Variants in PCDHGB1 observed in about 807,000 individuals in gnomAD.
The protein encoded by PCDHGB1 is protocadherin gamma subfamily B, 1, also known as protocadherin gamma-B1.
In PCDHGB1, 34 loss-of-function variants were observed where a neutral mutation model predicts 56.6. The observed-to-expected ratio is 0.60, with a 90% confidence interval of 0.46 to 0.80. The LOEUF (loss-of-function observed/expected upper bound fraction) is 0.80, where lower values mean the gene tolerates loss of function less well. Ranked by LOEUF, PCDHGB1 falls within the 30% of genes least tolerant of loss-of-function variation. PCDHGB1 has a pLI of 0.00. For synonymous variants in PCDHGB1, 561 were observed against 505.9 expected, an observed-to-expected ratio of 1.11 and a Z score of -1.46; for missense variants, 1,278 against 1,204.6, an observed-to-expected ratio of 1.06 and a Z score of -0.90.
chr5:141,364,445 C>T, intron 1 of PCDHGB1: 1 of 1,613,920 alleles, frequency 6.2e-7, no homozygotes. Context: ...GCCGGAGGAG[C>T]TGGACAAAGG....
Position 141,417,921 on chromosome 5 carries a change from T to G in PCDHGB1, c.2409+65252T>G, listed in dbSNP as rs771406905. 7.5e-6 allele frequency: 12 copies of G among 1,607,746 alleles called. No homozygotes were observed. The Admixed American group carries it at 1.7e-4, about 23-fold the overall frequency. On this transcript the variant is annotated intron_variant, in intron 1 of 3. Transcript: ENST00000523390. ...CCGCGGCAGGTACTATTTCCTTTGC[T>G]GCTGCCTTTGTTCTACCCCACGCTG...
At chr5:141,414,198 A>G (rs1561747621) in intron 1 of PCDHGB1, 2 of 1,611,542 alleles carry the variant, frequency 1.2e-6, no homozygotes, top group Non-Finnish European at 1.7e-6. Flanking sequence ...TGATTACAGT[A>G]GAAGATGTAA....
At chr5:141,427,707 T>C in intron 1 of PCDHGB1, 1 of 1,011,828 alleles carries the variant, frequency 9.9e-7, no homozygotes, top group Non-Finnish European at 1.5e-6. Context: ...AGTCAGCGCC[T>C]CTGACCTGGA....
At chr5:141,451,503 A>G (rs1395798374) in intron 1 of PCDHGB1, among the ~76,000 whole-genome samples, 1 of 152,234 alleles carries the variant, frequency 6.6e-6, no homozygotes, top group African/African-American at 2.4e-5. Flanking sequence ...TAGGGCAACC[A>G]GCTTCTGTTA....
chr5:141,480,240 CA>C lies in PCDHGB1; in HGVS notation c.2410-14552del, dbSNP rs11374694. 4.6e-3 allele frequency among the ~76,000 whole-genome samples: 522 copies of C among 113,846 alleles called. 1 individual carries two copies. Among genetic ancestry groups the C allele is most frequent in the Non-Finnish European group, 5.4e-3 (287 of 52,954 alleles). 74.7% of individuals were successfully genotyped at this position (113,846 alleles called of 152,430 possible). A position where few individuals can be genotyped will look rare whatever the true frequency, so the allele number is the denominator to read the frequency against. ...GCGACATAGTGAGATCCTGTCTCTACAAAAAAAAAAAAAAATGTGTTTTCAT... is the reference window on the plus strand; with the variant it reads ...GCGACATAGTGAGATCCTGTCTCTACAAAAAAAAAAAAAATGTGTTTTCAT... On this transcript the variant is annotated intron_variant, in intron 1 of 3. Coordinates refer to ENST00000523390, the MANE Select transcript of PCDHGB1 (RefSeq NM_018922.3).
chr5:141,509,144 G>A (rs969990007), intron 3 of PCDHGB1, among the ~76,000 whole-genome samples: 1 of 152,114 alleles, frequency 6.6e-6, no homozygotes, highest in African/African-American at 2.4e-5. Context: ...GGCGCATCCC[G>A]GCTCTCCCCT....
chr5:141,467,055 C>CTT (rs1193465269), intron 1 of PCDHGB1, among the ~76,000 whole-genome samples: 5 of 134,496 alleles, frequency 3.7e-5, no homozygotes, highest in African/African-American at 5.4e-5. Context: ...TCAATGTTTT[C>CTT]TTTTTTTTTT....
At chr5:141,356,362 G>C in intron 1 of PCDHGB1, 1 of 1,558,240 alleles carries the variant, frequency 6.4e-7, no homozygotes, top group Non-Finnish European at 8.7e-7. Flanking sequence ...TTCTATTCCA[G>C]ATAATCTGCC....
At chr5:141,438,268 C>T (rs949472857) in intron 1 of PCDHGB1, among the ~76,000 whole-genome samples, 1 of 152,054 alleles carries the variant, frequency 6.6e-6, no homozygotes. Flanking sequence ...ACCATAGAAT[C>T]AAACAAAATA....
rs370902348 is a variant in PCDHGB1, at chr5:141,352,394, C to T, written c.2134C>T (p.Arg712Ter). 1 of 1,614,050 alleles carries T rather than the reference C, an allele frequency of 6.2e-7. No individual in the cohort carries two copies. The highest frequency in any genetic ancestry group is 2.2e-5 in the East Asian group (1 of 44,880). ...GATTCTAGCGATCGCCCTGCGCCTG[C>T]GACGTTCCTCCAGCCTCGACACTGA... Reference protein sequence around the residue: ...AVILAIALRLRRSSSLDTEGC... With the variant: ...AVILAIALRL Residue 712 changes from arginine (R) to a stop codon, truncating the protein, a stop_gained, in exon 1 of 4, where the codon CGA becomes TGA. Coordinates refer to ENST00000523390, the MANE Select transcript of PCDHGB1 (RefSeq NM_018922.3). LOFTEE classifies it high-confidence loss of function.
chr5:141,415,866 T>A, intron 1 of PCDHGB1: 1 of 1,115,266 alleles, frequency 9.0e-7, no homozygotes, highest in Non-Finnish European at 1.2e-6. Context: ...GTTTATAGTG[T>A]TGTTGAGTAC....
At chr5:141,364,634 T>C (rs762469223) in intron 1 of PCDHGB1, 5 of 1,614,006 alleles carry the variant, frequency 3.1e-6, no homozygotes, top group Non-Finnish European at 3.4e-6. Context: ...GAGCCCACTG[T>C]GTGTGGTGAA....
chr5:141,478,977 T>G (rs1004184325), intron 1 of PCDHGB1, among the ~76,000 whole-genome samples: 12 of 152,210 alleles, frequency 7.9e-5, no homozygotes, highest in Admixed American at 5.2e-4. Flanking sequence ...TTCAAGTGAT[T>G]GTGACATTTG....
chr5:141,474,371 G>A (rs909237592), intron 1 of PCDHGB1, among the ~76,000 whole-genome samples: 1 of 152,180 alleles, frequency 6.6e-6, no homozygotes, highest in African/African-American at 2.4e-5. Flanking sequence ...TAGGTCTAGA[G>A]GAGGGCATTT....
At chr5:141,359,122 C>A (rs1289421811) in intron 1 of PCDHGB1, among the ~76,000 whole-genome samples, 1 of 152,048 alleles carries the variant, frequency 6.6e-6, no homozygotes, top group African/African-American at 2.4e-5. Context: ...AGTTGTGGTG[C>A]AATACATAGA....
rs545261528 is a variant in PCDHGB1 at position 141,404,038 on chromosome 5, G to C, written c.2409+51369G>C. 4.3e-6 allele frequency: 7 copies of C among 1,613,858 alleles called. No individual in the cohort carries two copies. The African/African-American group carries it at 8.0e-5, about 18-fold the overall frequency. ...GCCCAGTGAGAGAAGACGCACCTCA[G>C]GGAACAGTAATTCTTCTTTTCAATG... On this transcript the variant is annotated intron_variant, in intron 1 of 3. Coordinates refer to ENST00000523390, the MANE Select transcript of PCDHGB1 (RefSeq NM_018922.3).
chr5:141,493,935 C>T lies in PCDHGB1; in HGVS notation c.2410-872C>T, dbSNP rs1317863228. Among the ~76,000 whole-genome samples the T allele has an allele frequency of 6.6e-6, 1 of 152,158 alleles. No homozygotes were observed. Among genetic ancestry groups the T allele is most frequent in the Non-Finnish European group, 1.5e-5 (1 of 68,020 alleles). On this transcript the variant is annotated intron_variant, in intron 1 of 3. Coordinates refer to ENST00000523390, the MANE Select transcript of PCDHGB1 (RefSeq NM_018922.3). This position sits in a 1 kb window ranked among gnomAD's most constrained non-coding sequence, Gnocchi z 4.3. Reference sequence around the variant, plus strand: ...TGGGATAACACACCCCCTGGAAAGACCAGAAGGGACTCAGGAATGAAGTGG... The same window carrying T: ...TGGGATAACACACCCCCTGGAAAGATCAGAAGGGACTCAGGAATGAAGTGG...
chr5:141,408,346 G>T (rs1248648378), intron 1 of PCDHGB1: 1 of 1,613,824 alleles, frequency 6.2e-7, no homozygotes, highest in African/African-American at 1.3e-5. Context: ...CGGTGGTGGG[G>T]AACCTCGCTA....
chr5:141,364,059 A>G (rs951709303), intron 1 of PCDHGB1, among the ~76,000 whole-genome samples: 1 of 152,254 alleles, frequency 6.6e-6, no homozygotes, highest in African/African-American at 2.4e-5. Flanking sequence ...AAATAAAATT[A>G]TAACTAAACT....
Sources: gnomAD v4.1 joint callset for allele counts (sites outside exome capture counted in the v4.1 genomes callset) on GRCh38, gnomAD v4.1.1 for gene constraint, Gnocchi (gnomAD v3.1) non-coding constraint, MANE v1.5 for transcripts, NCBI Gene and HGNC (gene_info 2026-07-23, HGNC 2026-07-21) for gene names.